DYM: variants seen among roughly 807,000 people sequenced by gnomAD.
DYM encodes the protein dymeclin, also known as dyggve-Melchior-Clausen syndrome protein.
DYM carries 78 observed loss-of-function variants against 93.1 expected under a neutral mutation model. That is an observed-to-expected ratio of 0.84 (90% CI 0.70 to 1.01). The LOEUF is 1.01. Among genes scored for constraint, DYM ranks in the 50% least tolerant of loss-of-function variants. The probability of loss-of-function intolerance (pLI) is 0.00; values close to 1 mark genes in which losing one functional copy is unlikely to be tolerated. For synonymous variants in DYM, 321 were observed against 319.7 expected (o/e 1.00, Z -0.04); for missense variants, 789 against 845.0 (o/e 0.93, Z 0.82).
At chr18:49,409,112 C>T (rs1022728878) in intron 2 of DYM, among the ~76,000 whole-genome samples, 12 of 151,738 alleles carry the variant, frequency 7.9e-5, no homozygotes, top group Admixed American at 1.3e-4. Context: ...AGCGAAACCC[C>T]GTCTCTACTA....
At chr18:49,257,530 C>T (rs1209717676) in intron 12 of DYM, among the ~76,000 whole-genome samples, 2 of 152,028 alleles carry the variant, frequency 1.3e-5, no homozygotes, top group African/African-American at 4.8e-5. Context: ...GCAATAGCCC[C>T]ACGGAGGAAA....
chr18:49,428,184 G>A (rs1045197754), intron 2 of DYM, among the ~76,000 whole-genome samples: 7 of 150,068 alleles, frequency 4.7e-5, no homozygotes, highest in East Asian at 2.1e-4. Context: ...ACGGCGGGGC[G>A]CAGTGGCTCA....
At chr18:49,450,124 G>A (rs946146648) in intron 1 of DYM, among the ~76,000 whole-genome samples, 7 of 152,162 alleles carry the variant, frequency 4.6e-5, no homozygotes, top group Non-Finnish European at 1.0e-4. Flanking sequence ...GTTACAGGAA[G>A]ACAAAAATTA....
chr18:49,065,701 A>G (rs1395187769), intron 17 of DYM, among the ~76,000 whole-genome samples: 1 of 152,108 alleles, frequency 6.6e-6, no homozygotes, highest in African/African-American at 2.4e-5. Context: ...AGTAAAATCA[A>G]ATATATTATT....
At chr18:49,281,593 C>A (rs2145734172) in intron 10 of DYM, among the ~76,000 whole-genome samples, 1 of 152,222 alleles carries the variant, frequency 6.6e-6, no homozygotes, top group Non-Finnish European at 1.5e-5. Flanking sequence ...GAAAATGTGG[C>A]ACATATACAC....
intron 17 of DYM, among the ~76,000 whole-genome samples, chr18:49,082,771 A>C (rs1239891343): frequency 6.6e-6 from 1 of 152,198 alleles, no homozygotes; most frequent in Non-Finnish European, 1.5e-5. Context: ...TTTAATGTGT[A>C]TACATTTGAT....
intron 15 of DYM, among the ~76,000 whole-genome samples, chr18:49,148,854 C>A (rs530163224): frequency 6.6e-6 from 1 of 152,148 alleles, no homozygotes; most frequent in East Asian, 1.9e-4. Context: ...CACCAGGGAC[C>A]GTTTCATGGA....
At chr18:49,092,463 G>T (rs1011411799) in intron 17 of DYM, among the ~76,000 whole-genome samples, 2 of 152,100 alleles carry the variant, frequency 1.3e-5, no homozygotes, top group African/African-American at 2.4e-5. Flanking sequence ...CATTTTACAC[G>T]CAGCGTAAAG....
intron 2 of DYM, among the ~76,000 whole-genome samples, chr18:49,422,847 C>G (rs1013085013): frequency 3.3e-5 from 5 of 152,150 alleles, no homozygotes; most frequent in African/African-American, 1.2e-4. Context: ...GAAAAGCTAA[C>G]TATCCTAAAT....
At chr18:49,242,693 TTTTG>T (rs1331231415) in intron 13 of DYM, among the ~76,000 whole-genome samples, 3 of 152,002 alleles carry the variant, frequency 2.0e-5, no homozygotes, top group Non-Finnish European at 2.9e-5. Context: ...CTAGCGTTAT[TTTTG>T]TTTGTTTGTT....
chr18:49,103,178 A>AT (rs1285770489), intron 16 of DYM, among the ~76,000 whole-genome samples: 2 of 152,000 alleles, frequency 1.3e-5, no homozygotes, highest in African/African-American at 4.8e-5. Context: ...GATGATGAGC[A>AT]TTTTTTCATG....
intron 13 of DYM, among the ~76,000 whole-genome samples, chr18:49,227,125 C>T (rs745850658): frequency 1.3e-5 from 2 of 152,114 alleles, no homozygotes; most frequent in Admixed American, 6.5e-5. Context: ...TAAAATAGCA[C>T]ATTCAGCACA....
chr18:49,138,045 C>T (rs1381964338), intron 15 of DYM, among the ~76,000 whole-genome samples: 1 of 152,104 alleles, frequency 6.6e-6, no homozygotes, highest in Non-Finnish European at 1.5e-5. Flanking sequence ...ATCTAATTGC[C>T]TTCTTAATAA....
chr18:49,357,009 C>G (rs1453874460), intron 6 of DYM, among the ~76,000 whole-genome samples: 1 of 152,140 alleles, frequency 6.6e-6, no homozygotes, highest in Non-Finnish European at 1.5e-5. Context: ...TGAGTCTTTG[C>G]TACATCAACA....
intron 15 of DYM, among the ~76,000 whole-genome samples, chr18:49,130,832 G>T (rs2083314141): frequency 6.6e-6 from 1 of 152,144 alleles, no homozygotes. Context: ...AGGCGCTATG[G>T]GAGCACTTGG....
chr18:49,135,793 T>C (rs2083790161), intron 15 of DYM, among the ~76,000 whole-genome samples: 1 of 152,228 alleles, frequency 6.6e-6, no homozygotes, highest in South Asian at 2.1e-4. Context: ...AGAACCTAAA[T>C]GCTATTGTTA....
chr18:49,320,583 T>A (rs1317380090), intron 8 of DYM, among the ~76,000 whole-genome samples: 2 of 152,120 alleles, frequency 1.3e-5, no homozygotes, highest in African/African-American at 4.8e-5. Context: ...CAAGTAATCC[T>A]CTCATCTCAG....
intron 13 of DYM, among the ~76,000 whole-genome samples, chr18:49,245,551 G>A (rs2094145071): frequency 6.6e-6 from 1 of 152,160 alleles, no homozygotes; most frequent in Non-Finnish European, 1.5e-5. Context: ...GTACCCTCAG[G>A]CTTACTAGCA....
At chr18:49,358,941 A>G (rs1359091076) in intron 6 of DYM, among the ~76,000 whole-genome samples, 5 of 152,218 alleles carry the variant, frequency 3.3e-5, no homozygotes, top group African/African-American at 4.8e-5. Context: ...CAGCCCCAAA[A>G]TACAAGGATG....
Sources: allele counts gnomAD v4.1 joint callset (sites outside exome capture counted in the v4.1 genomes callset), GRCh38; gene constraint gnomAD v4.1.1; transcripts MANE v1.5; gene names NCBI Gene and HGNC (gene_info 2026-07-23, HGNC 2026-07-21).